ANKS1B: variants seen among roughly 807,000 people sequenced by gnomAD.
ANKS1B encodes the protein ankyrin repeat and sterile alpha motif domain containing 1B, also known as ankyrin repeat and sterile alpha motif domain-containing protein 1B.
Under a neutral mutation model 148.3 loss-of-function variants are expected in ANKS1B, and 36 were observed. The ratio of observed to expected loss-of-function variants is 0.24; its 90% confidence interval spans 0.19 to 0.32. The LOEUF (loss-of-function observed/expected upper bound fraction) is 0.32, where lower values mean the gene tolerates loss of function less well. Ranked by LOEUF, ANKS1B falls within the 10% of genes least tolerant of loss-of-function variation. The pLI, the probability that ANKS1B is intolerant of heterozygous loss-of-function variation, is 1.00. For synonymous variants in ANKS1B, 542 were observed against 560.8 expected (o/e 0.97, Z 0.47); for missense variants, 1,157 against 1,542.6 (o/e 0.75, Z 4.19).
At chr12:98,759,958 T>C (rs7313251) in intron 25 of ANKS1B, among the ~76,000 whole-genome samples, 147,152 of 152,212 alleles carry the variant, frequency 0.97, 71,159 homozygotes, top group East Asian at 1. Context: ...CCAGCCTGGG[T>C]GACAGAGTGA....
intron 17 of ANKS1B, among the ~76,000 whole-genome samples, chr12:98,878,446 T>G (rs2099697537): frequency 6.6e-6 from 1 of 152,172 alleles, no homozygotes; most frequent in South Asian, 2.1e-4. Flanking sequence ...AATACGGGGT[T>G]GTTGACAAAA....
chr12:99,139,526 A>C (rs778295399), intron 15 of ANKS1B, among the ~76,000 whole-genome samples: 23 of 137,814 alleles, frequency 1.7e-4, no homozygotes, highest in Middle Eastern at 3.6e-3. Context: ...AATGCTCCTG[A>C]TTCAGCCTTC....
intron 12 of ANKS1B, among the ~76,000 whole-genome samples, chr12:99,335,451 C>T (rs2088622573): frequency 6.8e-6 from 1 of 146,902 alleles, no homozygotes; most frequent in Non-Finnish European, 1.5e-5. Context: ...AGATCCTATT[C>T]ATTCTATTTT....
intron 9 of ANKS1B, among the ~76,000 whole-genome samples, chr12:99,511,494 G>A (rs1423063268): frequency 6.6e-6 from 1 of 151,944 alleles, no homozygotes; most frequent in Non-Finnish European, 1.5e-5. Flanking sequence ...ACTGTCCAAA[G>A]TAATTTATAG....
In ANKS1B at chr12:99,674,983, T is replaced by C. The variant is rs776242212; in HGVS notation, c.1129-19773A>G. Among the ~76,000 whole-genome samples, 12 of 152,082 alleles carry C rather than the reference T, an allele frequency of 7.9e-5. No homozygotes were observed. In the East Asian group the frequency reaches 1.9e-3, roughly 24 times the overall value. On this transcript the variant is annotated intron_variant, in intron 8 of 26. Transcript: ENST00000683438. ...AAAGATCATTTTAAAAGTAGTACAA[T>C]TGACCACTGATCATACAAAATATGT...
At chr12:99,068,719 G>C (rs1048702165) in intron 16 of ANKS1B, among the ~76,000 whole-genome samples, 5 of 151,474 alleles carry the variant, frequency 3.3e-5, no homozygotes, top group African/African-American at 7.3e-5. Context: ...GAGAGAGAGA[G>C]AGAGACAGAG....
At chr12:99,655,242 T>C (rs757901356) in intron 8 of ANKS1B, 32 bp from the exon 9 acceptor site, 24 of 1,496,074 alleles carry the variant, frequency 1.6e-5, no homozygotes, top group East Asian at 2.5e-5. Flanking sequence ...ACCAATATAT[T>C]ATATCAATGA....
At chr12:99,422,333 G>A (rs942153126) in intron 11 of ANKS1B, among the ~76,000 whole-genome samples, 4 of 152,150 alleles carry the variant, frequency 2.6e-5, no homozygotes, top group African/African-American at 4.8e-5. Context: ...AAAGATAGAT[G>A]CCATTCTTTC....
chr12:99,649,660 G>C (rs537621815), intron 9 of ANKS1B: 17 of 393,738 alleles, frequency 4.3e-5, no homozygotes, highest in South Asian at 3.4e-4. Flanking sequence ...TCTTAATCTT[G>C]TTATAGCAAG....
Position 98,745,792 on chromosome 12 carries a change from C to T in ANKS1B, c.3805G>A (p.Gly1269Ser). 6 of 1,613,742 alleles carry T rather than the reference C, an allele frequency of 3.7e-6. No individual in the cohort carries two copies. The highest frequency in any genetic ancestry group is 3.4e-6 in the Non-Finnish European group (4 of 1,179,782). The part of the protein sequence containing the change: ...LANLPWIVEP[G>S]QEAKRGINTK... Reference sequence around the variant, plus strand: ...TTAATGCCCCTCTTGGCTTCTTGGCCCGGCTCCACAATCCACGGTAGATTG... The same window carrying T: ...TTAATGCCCCTCTTGGCTTCTTGGCTCGGCTCCACAATCCACGGTAGATTG... Residue 1269 changes from glycine (G) to serine (S), a missense_variant, in exon 27 of 27, where the codon GGC becomes AGC. Around this residue, in one of 6 missense-constraint regions of ANKS1B, gnomAD observed 46 missense variants for 62.0 expected, o/e 0.74. Coordinates refer to ENST00000683438, the MANE Select transcript of ANKS1B (RefSeq NM_001352186.2).
chr12:99,857,989 G>T (rs2089442057), intron 1 of ANKS1B, among the ~76,000 whole-genome samples: 1 of 152,130 alleles, frequency 6.6e-6, no homozygotes, highest in South Asian at 2.1e-4. Flanking sequence ...AAGCTTTCAT[G>T]ACCAAGAACC....
intron 14 of ANKS1B, among the ~76,000 whole-genome samples, chr12:99,188,475 C>G (rs11833519): frequency 1.3e-5 from 2 of 151,964 alleles, no homozygotes; most frequent in African/African-American, 2.4e-5. Flanking sequence ...TGCAAAAGAA[C>G]GGAAATCATA....
At chr12:99,087,818 T>C (rs2052463790) in intron 15 of ANKS1B, among the ~76,000 whole-genome samples, 1 of 152,204 alleles carries the variant, frequency 6.6e-6, no homozygotes, top group Admixed American at 6.5e-5. Context: ...AGCTACTATC[T>C]CTAGGTAATC....
intron 26 of ANKS1B, among the ~76,000 whole-genome samples, chr12:98,750,213 G>C (rs1593450403): frequency 6.6e-6 from 1 of 152,174 alleles, no homozygotes; most frequent in Non-Finnish European, 1.5e-5. Flanking sequence ...GGGAGGACCA[G>C]GGGCTCAGAG....
intron 17 of ANKS1B, among the ~76,000 whole-genome samples, chr12:98,982,139 A>T (rs1022603870): frequency 2.0e-5 from 3 of 152,252 alleles, no homozygotes; most frequent in Admixed American, 2.0e-4. Flanking sequence ...ACTTTAAAAT[A>T]ATTTTTATTA....
chr12:99,341,003 C>T (rs1004897136), intron 12 of ANKS1B: 2 of 152,112 alleles, frequency 1.3e-5, no homozygotes, highest in African/African-American at 4.8e-5. Flanking sequence ...CTATATCCAT[C>T]TATACAGTAA....
chr12:99,383,408 C>G (rs1477332907), intron 12 of ANKS1B, among the ~76,000 whole-genome samples: 1 of 152,186 alleles, frequency 6.6e-6, no homozygotes, highest in Non-Finnish European at 1.5e-5. Context: ...TTATGAAGCC[C>G]TCTACAACCT....
intron 17 of ANKS1B, among the ~76,000 whole-genome samples, chr12:98,839,004 T>G (rs144505638): frequency 9.2e-5 from 14 of 152,336 alleles, no homozygotes; most frequent in African/African-American, 3.4e-4. Flanking sequence ...AATCCTCACT[T>G]GAACTTGCAT....
At chr12:99,180,251 C>T (rs1164794027) in intron 14 of ANKS1B, among the ~76,000 whole-genome samples, 1 of 152,134 alleles carries the variant, frequency 6.6e-6, no homozygotes, top group African/African-American at 2.4e-5. Context: ...GCATTTTAAA[C>T]TTTTGATACT....
Sources: gnomAD v4.1 joint callset for allele counts (sites outside exome capture counted in the v4.1 genomes callset) on GRCh38, gnomAD v4.1.1 for gene constraint, gnomAD v4.1.1 regional missense constraint, MANE v1.5 for transcripts, NCBI Gene and HGNC (gene_info 2026-07-23, HGNC 2026-07-21) for gene names.